ARMC9: variants seen among roughly 807,000 people sequenced by gnomAD.
ARMC9 encodes armadillo repeat containing 9.
ARMC9 carries 94 observed loss-of-function variants against 107.0 expected under a neutral mutation model. The observed-to-expected ratio is 0.88, with a 90% CI of 0.74 to 1.04. The LOEUF is 1.04. ARMC9 is among the 50% of genes least tolerant of loss of function. ARMC9 has a pLI of 0.00. For missense variants in ARMC9, 942 were observed against 1,030.1 expected (o/e 0.91, Z 1.17); for synonymous variants, 380 against 396.9 (o/e 0.96, Z 0.51).
rs372505741 is a variant in ARMC9 at position 231,284,278 on chromosome 2, C to T, written c.1626+2145C>T. On this transcript the variant is annotated intron_variant, in intron 17 of 24. Transcript: ENST00000611582. ...TAGCCTAGGTGTGTAGTAGGCTACA[C>T]CATCTAGGTTTGTCACTTACTCTAT... is the stretch of plus-strand genomic sequence containing the variant. Among the ~76,000 whole-genome samples the T allele has an allele frequency of 3.3e-5, 5 of 152,266 alleles. No individual in the cohort carries two copies. In the East Asian group the frequency reaches 5.8e-4, roughly 18 times the overall value.
At chr2:231,321,812 C>T (rs1259412665) in intron 19 of ARMC9, among the ~76,000 whole-genome samples, 1 of 152,170 alleles carries the variant, frequency 6.6e-6, no homozygotes, top group Non-Finnish European at 1.5e-5. Context: ...CCCTCTCCCT[C>T]TAACCTCATG....
At position 231,362,966 on chromosome 2, in the gene ARMC9, CT is replaced by C. The variant is rs2045652711; in HGVS notation, c.2261+2084del. 6.6e-6 allele frequency among the ~76,000 whole-genome samples: 1 copy of C among 152,204 alleles called. No homozygotes were observed. The highest frequency in any genetic ancestry group is 6.5e-5 in the Admixed American group (1 of 15,286). On this transcript the variant is annotated intron_variant, in intron 23 of 24. Transcript: ENST00000611582. This position sits in a 1 kb window ranked among gnomAD's most constrained non-coding sequence, Gnocchi z 4.7. The stretch of plus-strand genomic sequence containing the variant: ...CCCCACTGTGTTGTCATGTGGCTGC[CT>C]CTCACTGCCTCAGAGACAAGCGCAG...
rs1391498694 is a variant in ARMC9, at chr2:231,297,014, A to G, written c.1773+761A>G. Among the ~76,000 whole-genome samples the G allele has an allele frequency of 1.3e-5, 2 of 152,138 alleles. No individual in the cohort carries two copies. Among genetic ancestry groups the G allele is most frequent in the Non-Finnish European group, 2.9e-5 (2 of 68,014 alleles). On this transcript the variant is annotated intron_variant, in intron 19 of 24. Coordinates refer to ENST00000611582, the MANE Select transcript of ARMC9 (RefSeq NM_001352754.2). This position sits in a 1 kb window ranked among gnomAD's most constrained non-coding sequence, Gnocchi z 4.2. ...GGGGGAGCATTCACTGAAAAAGTGG[A>G]TGTCAGAGGATGTTTTTTTGTTTGG...
chr2:231,335,507 C>T (rs2044026465), intron 20 of ARMC9, among the ~76,000 whole-genome samples: 1 of 152,202 alleles, frequency 6.6e-6, no homozygotes, highest in Admixed American at 6.5e-5. Context: ...ACCCACAGCT[C>T]CTCTGCTCTG....
intron 9 of ARMC9, among the ~76,000 whole-genome samples, chr2:231,242,166 T>A (rs936575348): frequency 6.0e-5 from 9 of 150,604 alleles, no homozygotes; most frequent in Non-Finnish European, 1.0e-4. Context: ...TTTTTTTTTT[T>A]AAACTGGATG....
chr2:231,273,348 A>G (rs1471855771), intron 14 of ARMC9, among the ~76,000 whole-genome samples: 1 of 152,196 alleles, frequency 6.6e-6, no homozygotes, highest in East Asian at 1.9e-4. Flanking sequence ...GTCTCAGGGC[A>G]TGTGCAGGGC....
intron 12 of ARMC9, among the ~76,000 whole-genome samples, chr2:231,267,022 A>G (rs1353178287): frequency 6.6e-6 from 1 of 152,218 alleles, no homozygotes; most frequent in Non-Finnish European, 1.5e-5. Flanking sequence ...CTGCAAGGAA[A>G]CAGGACTGTG....
At chr2:231,305,932 A>G (rs1174525459) in intron 19 of ARMC9, among the ~76,000 whole-genome samples, 1 of 152,232 alleles carries the variant, frequency 6.6e-6, no homozygotes, top group Non-Finnish European at 1.5e-5. Context: ...CATCTTGTTT[A>G]AATAGTCAAA....
At chr2:231,210,361 G>A (rs1174207447) in intron 3 of ARMC9, among the ~76,000 whole-genome samples, 3 of 152,242 alleles carry the variant, frequency 2.0e-5, no homozygotes, top group Non-Finnish European at 4.4e-5. Context: ...TAGTAGAGGT[G>A]AAAACAGGTT....
Position 231,216,813 on chromosome 2 carries a change from T to G in ARMC9, c.504+20T>G, listed in dbSNP as rs1417079246. The G allele has an allele frequency of 1.2e-6, 2 of 1,605,424 alleles. No homozygotes were observed. The highest frequency in any genetic ancestry group is 1.7e-6 in the Non-Finnish European group (2 of 1,176,324). On this transcript the variant is annotated intron_variant, in intron 5 of 24. Coordinates refer to ENST00000611582, the MANE Select transcript of ARMC9 (RefSeq NM_001352754.2). Reference sequence around the variant, plus strand: ...TTCCAGGTAAATGTCAGCTTTTAACTCTTGTGTCAGATCCTGGGTGACATT... The same window carrying G: ...TTCCAGGTAAATGTCAGCTTTTAACGCTTGTGTCAGATCCTGGGTGACATT...
chr2:231,326,902 T>C (rs1246524108), intron 19 of ARMC9, among the ~76,000 whole-genome samples: 2 of 152,172 alleles, frequency 1.3e-5, no homozygotes, highest in African/African-American at 4.8e-5. Context: ...GATTGTTGGG[T>C]GGGCCAGGAG....
chr2:231,354,146 T>A (rs184560534), intron 21 of ARMC9, among the ~76,000 whole-genome samples: 5 of 151,382 alleles, frequency 3.3e-5, no homozygotes, highest in Admixed American at 2.0e-4. Context: ...CAAAACTGAG[T>A]TGGCTAGGAG....
chr2:231,311,496 G>A (rs1209041779), intron 19 of ARMC9, among the ~76,000 whole-genome samples: 2 of 151,474 alleles, frequency 1.3e-5, no homozygotes, highest in Non-Finnish European at 2.9e-5. Context: ...TCTGCTGGGC[G>A]CAGTTGCTCA....
chr2:231,279,311 A>G (rs1220727075), intron 16 of ARMC9, among the ~76,000 whole-genome samples: 3 of 152,214 alleles, frequency 2.0e-5, no homozygotes, highest in African/African-American at 4.8e-5. Flanking sequence ...ATTAACAAAA[A>G]CAAATAATCA....
chr2:231,329,379 T>C (rs1413138147), intron 19 of ARMC9, among the ~76,000 whole-genome samples: 1 of 152,060 alleles, frequency 6.6e-6, no homozygotes, highest in Non-Finnish European at 1.5e-5. Context: ...GGCGTGATCT[T>C]GGCTCACTTC....
In ARMC9 at chr2:231,301,596, C is replaced by T. The variant is rs574053505; in HGVS notation, c.1773+5343C>T. On this transcript the variant is annotated intron_variant, in intron 19 of 24. Coordinates refer to ENST00000611582, the MANE Select transcript of ARMC9 (RefSeq NM_001352754.2). ...CTGTTTTTTTCAGTTGTGCTTCTTT[C>T]CAAACCCTTTTCACCATCATTACAA... Among the ~76,000 whole-genome samples the T allele has an allele frequency of 1.2e-4, 19 of 152,158 alleles. No individual in the cohort carries two copies. The South Asian group carries it at 3.3e-3, about 27-fold the overall frequency.
At chr2:231,366,978 G>A (rs1211280682) in intron 23 of ARMC9, among the ~76,000 whole-genome samples, 16 of 150,562 alleles carry the variant, frequency 1.1e-4, no homozygotes, top group Non-Finnish European at 1.8e-4. Flanking sequence ...AGCCTCCCGA[G>A]TAGCTGGGAC....
chr2:231,199,633 A>G (rs2030443655), intron 1 of ARMC9, among the ~76,000 whole-genome samples: 1 of 152,228 alleles, frequency 6.6e-6, no homozygotes, highest in African/African-American at 2.4e-5. Context: ...CTGGCATACC[A>G]TATACCTTCA....
At chr2:231,345,494 A>T (rs1270351430) in intron 21 of ARMC9, among the ~76,000 whole-genome samples, 1 of 152,188 alleles carries the variant, frequency 6.6e-6, no homozygotes, top group Non-Finnish European at 1.5e-5. Flanking sequence ...TTTATTTTAG[A>T]TGACTTTTTG....
Sources: allele counts gnomAD v4.1 joint callset (sites outside exome capture counted in the v4.1 genomes callset), GRCh38; gene constraint gnomAD v4.1.1; non-coding constraint Gnocchi (gnomAD v3.1); transcripts MANE v1.5; gene names NCBI Gene and HGNC (gene_info 2026-07-23, HGNC 2026-07-21).